VGLL4: variants seen among roughly 807,000 people sequenced by gnomAD.
The protein encoded by VGLL4 is transcription cofactor vestigial-like protein 4.
VGLL4 carries 7 observed loss-of-function variants against 21.0 expected under a neutral mutation model. The observed-to-expected ratio is 0.33, with a 90% confidence interval of 0.19 to 0.63. The LOEUF (loss-of-function observed/expected upper bound fraction) is 0.63. Ranked by LOEUF, VGLL4 falls within the 20% of genes least tolerant of loss-of-function variation. The pLI, the probability that VGLL4 is intolerant of heterozygous loss-of-function variation, is 0.78. For synonymous variants in VGLL4, 222 were observed against 173.2 expected (o/e 1.28, Z -2.21); for missense variants, 394 against 425.7 (o/e 0.93, Z 0.66).
chr3:11,692,146 CCCT>C (rs1468791988), intron 2 of VGLL4, among the ~76,000 whole-genome samples: 3 of 152,246 alleles, frequency 2.0e-5, no homozygotes, highest in African/African-American at 4.8e-5. Flanking sequence ...GAAACAGTCA[CCCT>C]CCTCAAGTGT....
At chr3:11,590,536 C>T (rs1436768930) in intron 2 of VGLL4, among the ~76,000 whole-genome samples, 2 of 152,136 alleles carry the variant, frequency 1.3e-5, no homozygotes, top group African/African-American at 2.4e-5. Flanking sequence ...CTGGAAGGCT[C>T]GGATCCAGAA....
intron 2 of VGLL4, among the ~76,000 whole-genome samples, chr3:11,598,950 C>T (rs955263138): frequency 2.0e-5 from 3 of 152,158 alleles, no homozygotes; most frequent in Admixed American, 2.0e-4. Context: ...TAGGCTATTC[C>T]TTTTCAAATA....
chr3:11,628,403 AAAAAG>A (rs1261221581), intron 1 of VGLL4, among the ~76,000 whole-genome samples: 51 of 152,186 alleles, frequency 3.4e-4, no homozygotes, highest in Admixed American at 3.3e-3. Flanking sequence ...AACAAAAAAA[AAAAAG>A]AAAAGAAACA....
At chr3:11,590,855 A>G (rs1156978221) in intron 2 of VGLL4, among the ~76,000 whole-genome samples, 1 of 152,226 alleles carries the variant, frequency 6.6e-6, no homozygotes. Context: ...TTGCTTTATC[A>G]GCAAGAAATT....
At chr3:11,680,164 C>G (rs1373820225) in intron 2 of VGLL4, among the ~76,000 whole-genome samples, 1 of 152,346 alleles carries the variant, frequency 6.6e-6, no homozygotes, top group South Asian at 2.1e-4. Context: ...TGATCCCACA[C>G]AGCCTAGGTG....
intron 1 of VGLL4, among the ~76,000 whole-genome samples, chr3:11,718,551 TTGGTATGCTAACA>T (rs1433078801): frequency 6.6e-6 from 1 of 152,194 alleles, no homozygotes; most frequent in Non-Finnish European, 1.5e-5. Context: ...GAGTTAAAGT[TTGGTATGCTAACA>T]TGGTATGCAA....
At chr3:11,649,856 T>C (rs189602413) in intron 2 of VGLL4, among the ~76,000 whole-genome samples, 2 of 152,308 alleles carry the variant, frequency 1.3e-5, no homozygotes, top group Admixed American at 1.3e-4. Flanking sequence ...TAAGCCTCAG[T>C]CCTTAGAGTA....
chr3:11,651,201 A>C (rs966376482), intron 2 of VGLL4, among the ~76,000 whole-genome samples: 1 of 151,910 alleles, frequency 6.6e-6, no homozygotes, highest in African/African-American at 2.4e-5. Flanking sequence ...AAATTAGCCA[A>C]GTGTGGTGGC....
intron 2 of VGLL4, among the ~76,000 whole-genome samples, chr3:11,571,575 G>A (rs555622172): frequency 6.6e-6 from 1 of 152,146 alleles, no homozygotes; most frequent in East Asian, 2.0e-4. Context: ...AGCTACTCAG[G>A]AGGATGGCTG....
At chr3:11,655,076 C>T (rs1437856906) in intron 2 of VGLL4, among the ~76,000 whole-genome samples, 1 of 152,142 alleles carries the variant, frequency 6.6e-6, no homozygotes, top group Non-Finnish European at 1.5e-5. Context: ...AGAAATCCAC[C>T]CACTATTAGA....
chr3:11,666,630 T>C (rs1404242360), intron 2 of VGLL4, among the ~76,000 whole-genome samples: 1 of 152,198 alleles, frequency 6.6e-6, no homozygotes, highest in African/African-American at 2.4e-5. Context: ...GAATCGAGGA[T>C]GACTGTAAAC....
intron 1 of VGLL4, among the ~76,000 whole-genome samples, chr3:11,608,801 A>G (rs556357178): frequency 5.3e-5 from 8 of 152,240 alleles, no homozygotes; most frequent in Non-Finnish European, 1.2e-4. Context: ...TCAGTGGTAC[A>G]TAAAATAATG....
At chr3:11,638,019 T>C (rs935943710) in intron 1 of VGLL4, among the ~76,000 whole-genome samples, 1 of 152,230 alleles carries the variant, frequency 6.6e-6, no homozygotes. Flanking sequence ...AAACATTCCC[T>C]GGTCCGACTG....
chr3:11,571,873 G>A (rs539983206), intron 2 of VGLL4, among the ~76,000 whole-genome samples: 3 of 152,086 alleles, frequency 2.0e-5, no homozygotes, highest in South Asian at 2.1e-4. Context: ...TTGGGAGGCC[G>A]AGGCCGGCAG....
At position 11,564,853 on chromosome 3, in the gene VGLL4, C is replaced by G. The variant is rs752119448; in HGVS notation, c.439G>C (p.Asp147His). Residue 147 changes from aspartate (D) to histidine (H), a missense_variant, in exon 3 of 5, where the codon GAC becomes CAC. Transcript: ENST00000430365. The part of the protein sequence containing the change: ...QPLALTKNSL[D>H]ASRPAGLSPT... ...GAGAGGCCGGCTGGCCTGCTGGCGT[C>G]CAGGCTGTTCTTGGTCAGTGCGAGG... 1 of 1,606,670 alleles carries G rather than the reference C, an allele frequency of 6.2e-7. No homozygotes were observed. Among genetic ancestry groups the G allele is most frequent in the Non-Finnish European group, 8.5e-7 (1 of 1,177,724 alleles).
At position 11,594,363 on chromosome 3, in the gene VGLL4, T is replaced by G. The variant is rs577556781; in HGVS notation, c.272+7470A>C. Reference sequence around the variant, plus strand: ...AAAAAGACAGAGATAGACAGATAGATGTAGAAATGTGCCTACCTAGTGTAA... The same window carrying G: ...AAAAAGACAGAGATAGACAGATAGAGGTAGAAATGTGCCTACCTAGTGTAA... On this transcript the variant is annotated intron_variant, in intron 2 of 4. Coordinates refer to ENST00000430365, the MANE Select transcript of VGLL4 (RefSeq NM_001128219.3). Among the ~76,000 whole-genome samples the G allele has an allele frequency of 2.6e-5, 4 of 152,364 alleles. No individual in the cohort carries two copies. The South Asian group carries it at 8.3e-4, about 32-fold the overall frequency.
intron 2 of VGLL4, among the ~76,000 whole-genome samples, chr3:11,679,029 C>T (rs547619855): frequency 7.2e-5 from 11 of 152,292 alleles, no homozygotes; most frequent in Non-Finnish European, 1.3e-4. Flanking sequence ...GATACAATTA[C>T]GTGCAGTATA....
intron 1 of VGLL4, chr3:11,632,974 G>A (rs1051843857): frequency 1.3e-5 from 2 of 152,204 alleles, no homozygotes; most frequent in Non-Finnish European, 2.9e-5. Flanking sequence ...CTGTAATCAA[G>A]CAGCCAACTT....
chr3:11,677,083 A>T (rs2076301816), intron 2 of VGLL4, among the ~76,000 whole-genome samples: 1 of 152,158 alleles, frequency 6.6e-6, no homozygotes, highest in African/African-American at 2.4e-5. Context: ...TTTATTGTTA[A>T]ATATTTTGGT....
Sources: allele counts gnomAD v4.1 joint callset (sites outside exome capture counted in the v4.1 genomes callset), GRCh38; gene constraint gnomAD v4.1.1; transcripts MANE v1.5; gene names NCBI Gene and HGNC (gene_info 2026-07-23, HGNC 2026-07-21).